NELL2: variants seen among roughly 807,000 people sequenced by gnomAD.
NELL2 encodes protein kinase C-binding protein NELL2.
Under a neutral mutation model 109.6 loss-of-function variants are expected in NELL2, and 41 were observed. The ratio of observed to expected loss-of-function variants is 0.37; its 90% confidence interval spans 0.29 to 0.49. The LOEUF is 0.49. Ranked by LOEUF, NELL2 falls within the 20% of genes least tolerant of loss-of-function variation. The pLI is 0.98. For synonymous variants in NELL2, 355 were observed against 344.7 expected (o/e 1.03, Z -0.33); for missense variants, 900 against 1,008.3 (o/e 0.89, Z 1.45).
chr12:44,616,535 A>G (rs1259325587), intron 13 of NELL2, among the ~76,000 whole-genome samples: 3 of 152,202 alleles, frequency 2.0e-5, no homozygotes, highest in African/African-American at 7.2e-5. Flanking sequence ...TTAATGCTAA[A>G]TAAGTCTTGG....
intron 15 of NELL2, among the ~76,000 whole-genome samples, chr12:44,598,492 C>G (rs1180555514): frequency 2.0e-5 from 3 of 152,100 alleles, no homozygotes; most frequent in African/African-American, 7.2e-5. Flanking sequence ...TTTCACCTCA[C>G]AGTCTGCAGA....
chr12:44,761,355 C>T (rs949809148), intron 9 of NELL2, among the ~76,000 whole-genome samples: 5 of 151,810 alleles, frequency 3.3e-5, no homozygotes, highest in Admixed American at 1.3e-4. Flanking sequence ...GCAACAAGAG[C>T]GAAACTCCGT....
intron 3 of NELL2, among the ~76,000 whole-genome samples, chr12:44,791,821 A>G (rs927708144): frequency 4.6e-5 from 7 of 152,142 alleles, no homozygotes; most frequent in Non-Finnish European, 7.3e-5. Flanking sequence ...TCAAGAGGAC[A>G]TATAGAAAGG....
chr12:44,607,348 T>C, intron 14 of NELL2, 84 bp from the exon 15 acceptor site: 1 of 1,015,786 alleles, frequency 9.8e-7, no homozygotes, highest in South Asian at 1.7e-5. Flanking sequence ...ATTATCCCCT[T>C]GGAGATGTAA....
At chr12:44,668,391 G>A (rs1948012824) in intron 12 of NELL2, among the ~76,000 whole-genome samples, 1 of 152,104 alleles carries the variant, frequency 6.6e-6, no homozygotes, top group Middle Eastern at 3.2e-3. Flanking sequence ...CTGGCCATGT[G>A]CCCTCCTGGG....
intron 11 of NELL2, among the ~76,000 whole-genome samples, chr12:44,705,149 T>C (rs1937798711): frequency 6.6e-6 from 1 of 152,154 alleles, no homozygotes; most frequent in Non-Finnish European, 1.5e-5. Flanking sequence ...GTTCATCTTA[T>C]CTGTAATCAA....
chr12:44,690,655 T>C (rs1470943146), intron 12 of NELL2, among the ~76,000 whole-genome samples: 2 of 152,068 alleles, frequency 1.3e-5, no homozygotes. Flanking sequence ...TGGGCAGAGA[T>C]TTTAGAATGT....
intron 16 of NELL2, among the ~76,000 whole-genome samples, chr12:44,525,739 A>C (rs553502919): frequency 6.6e-6 from 1 of 152,348 alleles, no homozygotes; most frequent in African/African-American, 2.4e-5. Flanking sequence ...TGTCAGTGTC[A>C]GCTGTCATGT....
rs115445376 is a variant in NELL2, at chr12:44,816,561, T to A, written c.185-425A>T. On this transcript the variant is annotated intron_variant, in intron 2 of 19. Transcript: ENST00000429094. ...ACTATTTAGCTTTTCTGACACCTCATGACAGAAAACTGGATTTAAATCTAT... is the reference window on the plus strand; with the variant it reads ...ACTATTTAGCTTTTCTGACACCTCAAGACAGAAAACTGGATTTAAATCTAT... 7.2e-3 allele frequency among the ~76,000 whole-genome samples: 1,099 copies of A among 152,324 alleles called. 14 individuals are homozygous for A. The highest frequency in any genetic ancestry group is 0.025 in the African/African-American group (1,035 of 41,572).
intron 15 of NELL2, among the ~76,000 whole-genome samples, chr12:44,597,670 T>C (rs1945020989): frequency 6.6e-6 from 1 of 152,176 alleles, no homozygotes; most frequent in Non-Finnish European, 1.5e-5. Flanking sequence ...ATGGACTGCC[T>C]ACTATATGCA....
intron 13 of NELL2, among the ~76,000 whole-genome samples, chr12:44,649,687 C>T (rs1163987035): frequency 1.3e-5 from 2 of 152,182 alleles, no homozygotes; most frequent in Admixed American, 6.5e-5. Flanking sequence ...GCCCCCATAC[C>T]CTGCCAGGAA....
chr12:44,913,810 TA>T lies in NELL2; in HGVS notation c.26del (p.Leu9Ter). The T allele has an allele frequency of 1.2e-6, 1 of 834,366 alleles. No individual in the cohort carries two copies. Among genetic ancestry groups the T allele is most frequent in the Non-Finnish European group, 1.8e-6 (1 of 550,292 alleles). 51.7% of individuals were successfully genotyped at this position (834,366 alleles called of 1,614,324 possible). ...AAGAAAGAACTCACATTTTGAGGAT[TA>T]AAATGAGAAGTCTTCTTATAGACAT... On this transcript the variant is annotated frameshift_variant, in exon 1 of 21. Coordinates refer to the NELL2 transcript ENST00000333837. LOFTEE classifies it high-confidence loss of function.
chr12:44,755,352 C>T (rs1368822434), intron 9 of NELL2, among the ~76,000 whole-genome samples: 2 of 152,086 alleles, frequency 1.3e-5, no homozygotes, highest in African/African-American at 4.8e-5. Context: ...TCATTAAATT[C>T]CCTACCTACA....
At chr12:44,657,375 G>T (rs930629474) in intron 13 of NELL2, among the ~76,000 whole-genome samples, 2 of 152,134 alleles carry the variant, frequency 1.3e-5, no homozygotes, top group African/African-American at 4.8e-5. Flanking sequence ...TATGAGGTAT[G>T]ACTCAAAACT....
intron 3 of NELL2, among the ~76,000 whole-genome samples, 178 bp from the exon 4 acceptor site, chr12:44,780,200 C>T (rs1049184165): frequency 2.6e-5 from 4 of 152,010 alleles, no homozygotes; most frequent in African/African-American, 9.7e-5. Flanking sequence ...AAAAGATATT[C>T]AGGATCCAAG....
At chr12:44,770,480 T>C (rs1941505072) in intron 9 of NELL2, among the ~76,000 whole-genome samples, 1 of 152,178 alleles carries the variant, frequency 6.6e-6, no homozygotes, top group Non-Finnish European at 1.5e-5. Flanking sequence ...GAATTAACTA[T>C]TCAATATGCA....
intron 15 of NELL2, among the ~76,000 whole-genome samples, chr12:44,588,100 G>A (rs572808596): frequency 6.6e-5 from 10 of 151,870 alleles, no homozygotes; most frequent in Non-Finnish European, 1.0e-4. Flanking sequence ...GCAGGGAGGC[G>A]GAGGTTGCAG....
intron 1 of NELL2, among the ~76,000 whole-genome samples, chr12:44,908,861 A>C (rs1945748948): frequency 6.6e-6 from 1 of 151,924 alleles, no homozygotes; most frequent in Non-Finnish European, 1.5e-5. Context: ...TTAAAAGGGA[A>C]TCTCTTGAGT....
At chr12:44,775,215 A>ACATG (rs1214552941) in intron 8 of NELL2, among the ~76,000 whole-genome samples, 1 of 146,334 alleles carries the variant, frequency 6.8e-6, no homozygotes, top group Non-Finnish European at 1.5e-5. Context: ...ATGCACACGA[A>ACATG]CATGCACGCA....
Sources: allele counts gnomAD v4.1 joint callset (sites outside exome capture counted in the v4.1 genomes callset), GRCh38; gene constraint gnomAD v4.1.1; transcripts MANE v1.5; gene names NCBI Gene and HGNC (gene_info 2026-07-23, HGNC 2026-07-21).